The following GCDH variants were observed in gnomAD, a reference collection of about 807,000 sequenced individuals.
The protein encoded by GCDH is glutaryl-CoA dehydrogenase.
In GCDH, 31 loss-of-function variants were observed where a neutral mutation model predicts 52.8. The observed-to-expected ratio is 0.59, with a 90% CI of 0.44 to 0.79. The LOEUF (loss-of-function observed/expected upper bound fraction) is 0.79. Ranked by LOEUF, GCDH falls within the 30% of genes least tolerant of loss-of-function variation. The pLI, the probability that GCDH is intolerant of heterozygous loss-of-function variation, is 0.00. For missense variants in GCDH, 509 were observed against 595.0 expected (o/e 0.86, Z 1.50); for synonymous variants, 242 against 250.0 (o/e 0.97, Z 0.30).
intron 11 of GCDH, chr19:12,899,107 G>A (rs1451625698): frequency 3.5e-6 from 2 of 578,476 alleles, no homozygotes; most frequent in Non-Finnish European, 6.2e-6. Context: ...AATAAACTGT[G>A]GGGCTGGGGG....
Position 12,892,338 on chromosome 19 carries a change from C to CTG in GCDH, c.334+161_334+162dup, listed in dbSNP as rs58273148. ...ACAGAGTCTGGCTCTGTTGCCCAGG[C>CTG]TGGAGTGCAGTGGCACGATCTTGGC... On this transcript the variant is annotated intron_variant, in intron 5 of 11. Coordinates refer to ENST00000222214, the MANE Select transcript of GCDH (RefSeq NM_000159.4). The CTG allele has an allele frequency of 0.015, 11,087 of 731,564 alleles. 918 individuals carry two copies. In the African/African-American group the frequency reaches 0.18, roughly 12 times the overall value. The allele number at this position is 731,564 out of a possible 1,614,324, so 45.3% of individuals were successfully genotyped here.
chr19:12,892,355 G>A (rs1393103319), intron 5 of GCDH, 177 bp downstream of exon 5: 1 of 663,060 alleles, frequency 1.5e-6, no homozygotes, highest in East Asian at 2.7e-5. Flanking sequence ...GCAGTGGCAC[G>A]ATCTTGGCTC....
chr19:12,897,491 C>T, intron 10 of GCDH, 63 bp downstream of exon 10: 1 of 1,580,216 alleles, frequency 6.3e-7, no homozygotes, highest in Non-Finnish European at 8.7e-7. Context: ...TGTGTCCTTC[C>T]TGGAGAGAAA....
intron 3 of GCDH, 60 bp from the exon 4 acceptor site, chr19:12,891,771 T>C: frequency 1.2e-6 from 2 of 1,610,562 alleles, no homozygotes; most frequent in East Asian, 4.5e-5. Flanking sequence ...CTGATGAGGG[T>C]CCGAGAAGGG....
At chr19:12,894,524 C>T (rs767899298) in intron 6 of GCDH, 5 of 683,178 alleles carry the variant, frequency 7.3e-6, no homozygotes, top group Non-Finnish European at 8.1e-6. Context: ...TATGATGCCT[C>T]GTCACCTGGG....
Position 12,891,191 on chromosome 19 carries a change from A to AG in GCDH, c.-44dup. 1 of 769,638 alleles carries AG rather than the reference A, an allele frequency of 1.3e-6. No homozygotes were observed. Among genetic ancestry groups the AG allele is most frequent in the Admixed American group, 2.0e-5 (1 of 49,738 alleles). The allele number at this position is 769,638 out of a possible 1,614,324, so 47.7% of individuals were successfully genotyped here. A position where few individuals can be genotyped will look rare whatever the true frequency, so the allele number is the denominator to read the frequency against. On this transcript the variant is annotated 5_prime_UTR_variant, in exon 1 of 12. Coordinates refer to ENST00000222214, the MANE Select transcript of GCDH (RefSeq NM_000159.4). ...ACTGTAGCCTCGGCAGTGAACCGGG[A>AG]GGTACTACCAGGTAAGGAAGGTGCG...
rs758399560 is a variant in GCDH, at chr19:12,891,327, T to C, written c.23T>C (p.Val8Ala). Reference sequence around the variant, plus strand: ...AGCATGGCCCTGAGAGGCGTCTCCGTGCGGCTGCTGAGCCGCGGACCCGGC... The same window carrying C: ...AGCATGGCCCTGAGAGGCGTCTCCGCGCGGCTGCTGAGCCGCGGACCCGGC... MALRGVS[V>A]RLLSRGPGLH... Residue 8 changes from valine (V) to alanine (A), a missense_variant, in exon 2 of 12, where the codon GTG becomes GCG. Val to Ala is a moderately conservative substitution (Grantham distance 64). Coordinates refer to ENST00000222214, the MANE Select transcript of GCDH (RefSeq NM_000159.4). 3.7e-6 allele frequency: 6 copies of C among 1,610,726 alleles called. No individual in the cohort carries two copies. The highest frequency in any genetic ancestry group is 2.2e-5 in the South Asian group (2 of 91,054).
intron 6 of GCDH, chr19:12,894,479 AAAG>A: frequency 1.4e-6 from 1 of 730,420 alleles, no homozygotes; most frequent in Non-Finnish European, 2.6e-6. Context: ...ATTGTAAAAA[AAAG>A]GAGAGAAGGG....
chr19:12,891,770 G>T, intron 3 of GCDH, 61 bp from the exon 4 acceptor site: 1 of 1,610,908 alleles, frequency 6.2e-7, no homozygotes, highest in Non-Finnish European at 8.5e-7. Flanking sequence ...GCTGATGAGG[G>T]TCCGAGAAGG....
At chr19:12,891,455 T>C (rs1012645652) in intron 2 of GCDH, 32 bp from the exon 3 acceptor site, 2 of 1,614,046 alleles carry the variant, frequency 1.2e-6, no homozygotes, top group Non-Finnish European at 1.7e-6. Flanking sequence ...TTAGGGACTT[T>C]CCGGGGTGAC....
Position 12,891,348 on chromosome 19 carries a change from C to G in GCDH, c.44C>G (p.Pro15Arg). 1.2e-6 allele frequency: 2 copies of G among 1,613,084 alleles called. No individual in the cohort carries two copies. The highest frequency in any genetic ancestry group is 1.7e-6 in the Non-Finnish European group (2 of 1,179,988). ...GVSVRLLSRG[P>R]GLHVLRTWVS... ...TCCGTGCGGCTGCTGAGCCGCGGACCCGGCCTGCACGTCCTTCGCACGTGG... is the reference window on the plus strand; with the variant it reads ...TCCGTGCGGCTGCTGAGCCGCGGACGCGGCCTGCACGTCCTTCGCACGTGG... The change falls in exon 2 of 12, where the codon CCC becomes CGC. Residue 15 changes from proline (P) to arginine (R), a missense_variant. By Grantham distance (103) the Pro-to-Arg change is moderately radical (BLOSUM62 -2). Coordinates refer to ENST00000222214, the MANE Select transcript of GCDH (RefSeq NM_000159.4).
At chr19:12,891,155 G>A, upstream of GCDH, 2 of 675,370 alleles carry the variant, frequency 3.0e-6, no homozygotes, top group East Asian at 5.5e-5. Flanking sequence ...TCAAAGGCCT[G>A]CGTCAGTTGC....
chr19:12,894,337 A>T, intron 6 of GCDH: 1 of 775,820 alleles, frequency 1.3e-6, no homozygotes, highest in Non-Finnish European at 2.4e-6. Context: ...GGGTGTCTTG[A>T]CCCATGGCCG....
intron 9 of GCDH, 99 bp downstream of exon 9, chr19:12,897,112 T>C: frequency 8.4e-7 from 1 of 1,197,336 alleles, no homozygotes; most frequent in Non-Finnish European, 1.2e-6. Flanking sequence ...CCACCAGGCC[T>C]GAGTTCCTTG....
In GCDH at chr19:12,896,994, C is replaced by T. The variant is rs779315456; in HGVS notation, c.937C>T (p.Arg313Trp). The T allele has an allele frequency of 9.9e-6, 16 of 1,612,172 alleles. No individual in the cohort carries two copies. Among genetic ancestry groups the T allele is most frequent in the South Asian group, 8.8e-5 (8 of 91,080 alleles). ...TTCGGAGTTCTGCTTGCACACAGCC[C>T]GGCAGTACGCCCTCGACAGGTGTGT... Reference protein sequence around the residue: ...GASEFCLHTARQYALDRMQFG... With the variant: ...GASEFCLHTAWQYALDRMQFG... The change falls in exon 9 of 12, where the codon CGG becomes TGG. Residue 313 changes from arginine to tryptophan, a missense_variant. Coordinates refer to ENST00000222214, the MANE Select transcript of GCDH (RefSeq NM_000159.4). The surrounding 1 kb of genome is among the most constrained non-coding windows in gnomAD (Gnocchi z 5.5).
In GCDH at chr19:12,892,498, G is replaced by T. The variant is rs191203420; in HGVS notation, c.334+320G>T. ...GTAGAGACAGGGTTTCACTGTGTTG[G>T]CCAGGCTGGTCTCAAACTCCTGACC... is the stretch of plus-strand genomic sequence containing the variant. On this transcript the variant is annotated intron_variant, in intron 5 of 11. Coordinates refer to ENST00000222214, the MANE Select transcript of GCDH (RefSeq NM_000159.4). 2.9e-3 allele frequency: 1,217 copies of T among 415,008 alleles called. 7 individuals carry two copies. The highest frequency in any genetic ancestry group is 0.014 in the African/African-American group (707 of 49,432). The allele number at this position is 415,008 out of a possible 1,614,324, so 25.7% of individuals were successfully genotyped here. A position where few individuals can be genotyped will look rare whatever the true frequency, so the allele number is the denominator to read the frequency against.
At chr19:12,892,678 G>A (rs2145942173) in intron 5 of GCDH, among the ~76,000 whole-genome samples, 1 of 151,802 alleles carries the variant, frequency 6.6e-6, no homozygotes, top group Non-Finnish European at 1.5e-5. Flanking sequence ...CACCTCCCGG[G>A]TTTAAGTGAT....
Position 12,891,331 on chromosome 19 carries a change from G to A in GCDH, c.27G>A (p.Arg9=), listed in dbSNP as rs751425240. The A allele has an allele frequency of 1.9e-6, 3 of 1,611,256 alleles. No homozygotes were observed. Among genetic ancestry groups the A allele is most frequent in the South Asian group, 1.1e-5 (1 of 91,056 alleles). ...TGGCCCTGAGAGGCGTCTCCGTGCGGCTGCTGAGCCGCGGACCCGGCCTGC... is the reference window on the plus strand; with the variant it reads ...TGGCCCTGAGAGGCGTCTCCGTGCGACTGCTGAGCCGCGGACCCGGCCTGC... The part of the protein sequence containing the change: MALRGVSV[R]LLSRGPGLHV... Residue 9 remains arginine, a synonymous_variant, in exon 2 of 12, where the codon CGG becomes CGA. Coordinates refer to ENST00000222214, the MANE Select transcript of GCDH (RefSeq NM_000159.4).
Position 12,892,182 on chromosome 19 carries a change from G to A in GCDH, c.334+4G>A. On this transcript the variant is annotated splice_donor_region_variant and intron_variant, in intron 5 of 11. Transcript: ENST00000222214. ...GTGCTGGGCCCCACCATCAAAGGTA[G>A]GAACAAGTATCTCTCCACACACTGC... The A allele has an allele frequency of 6.2e-7, 1 of 1,612,446 alleles. No homozygotes were observed. Among genetic ancestry groups the A allele is most frequent in the Non-Finnish European group, 8.5e-7 (1 of 1,178,478 alleles).
Sources: allele counts gnomAD v4.1 joint callset (sites outside exome capture counted in the v4.1 genomes callset), GRCh38; gene constraint gnomAD v4.1.1; non-coding constraint Gnocchi (gnomAD v3.1); transcripts MANE v1.5; gene names NCBI Gene and HGNC (gene_info 2026-07-23, HGNC 2026-07-21).